SZRD1: variants seen among roughly 807,000 people sequenced by gnomAD.
SZRD1 encodes the protein SUZ RNA binding domain containing 1.
A neutral mutation model predicts 17.6 loss-of-function variants in SZRD1; 7 were observed. The ratio of observed to expected loss-of-function variants is 0.40; its 90% confidence interval spans 0.23 to 0.75. SZRD1 has a LOEUF of 0.75. SZRD1 is among the 30% of genes least tolerant of loss of function. The pLI is 0.38. For synonymous variants in SZRD1, 77 were observed against 77.9 expected, an observed-to-expected ratio of 0.99 and a Z score of 0.06; for missense variants, 178 against 201.8, an observed-to-expected ratio of 0.88 and a Z score of 0.71.
In SZRD1 at chr1:16,393,089, T is replaced by C; in HGVS notation, c.102-139T>C. On this transcript the variant is annotated intron_variant, in intron 2 of 3. Coordinates refer to ENST00000401088, the MANE Select transcript of SZRD1 (RefSeq NM_001114600.3). This position sits in a 1 kb window ranked among gnomAD's most constrained non-coding sequence, Gnocchi z 5.6. ...CCTTCTTGAGGAGTGGAAATTTTGC[T>C]GTCTGGTCAGAGGCCAGAGAATCAT... is the stretch of plus-strand genomic sequence containing the variant. 1 of 1,220,152 alleles carries C rather than the reference T, an allele frequency of 8.2e-7. No individual in the cohort carries two copies. The highest frequency in any genetic ancestry group is 1.2e-6 in the Non-Finnish European group (1 of 861,990). The allele number at this position is 1,220,152 out of a possible 1,614,324, so 75.6% of individuals were successfully genotyped here.
chr1:16,379,320 T>C (rs1197711180), intron 1 of SZRD1, among the ~76,000 whole-genome samples: 1 of 151,228 alleles, frequency 6.6e-6, no homozygotes, highest in Non-Finnish European at 1.5e-5. Context: ...GGTTTTACCA[T>C]GTTAGCCAGA....
intron 1 of SZRD1, 54 bp downstream of exon 1, chr1:16,367,362 G>C (rs1557618528): frequency 2.0e-6 from 3 of 1,493,998 alleles, no homozygotes; most frequent in Non-Finnish European, 2.7e-6. Flanking sequence ...GGCGTGAGGG[G>C]AGCCTCCGGG....
At chr1:16,368,393 C>T (rs1030051327) in intron 1 of SZRD1, among the ~76,000 whole-genome samples, 1 of 152,136 alleles carries the variant, frequency 6.6e-6, no homozygotes, top group African/African-American at 2.4e-5. Flanking sequence ...GAAATTGACC[C>T]TGGCAGCAGT....
At chr1:16,384,663 G>T (rs932665837) in intron 1 of SZRD1, among the ~76,000 whole-genome samples, 3 of 152,250 alleles carry the variant, frequency 2.0e-5, no homozygotes, top group Non-Finnish European at 2.9e-5. Context: ...CATAAGGCTA[G>T]CATGGGCCGT....
At chr1:16,387,481 A>G in intron 1 of SZRD1, 1 of 454,998 alleles carries the variant, frequency 2.2e-6, no homozygotes, top group South Asian at 1.6e-5. Context: ...AAAAATACTG[A>G]TTTGGTTTCT....
At position 16,395,865 on chromosome 1, in the gene SZRD1, A is replaced by G. The variant is rs2085302192; in HGVS notation, c.*725A>G. On this transcript the variant is annotated 3_prime_UTR_variant, in exon 4 of 4. Coordinates refer to ENST00000401088, the MANE Select transcript of SZRD1 (RefSeq NM_001114600.3). ...CAGGACAGACGAGCACCCCATGCCT[A>G]TACCTCCCTCCCCGAGCTAAGTCCC... The G allele has an allele frequency of 6.5e-6, 1 of 152,858 alleles. No homozygotes were observed. Among genetic ancestry groups the G allele is most frequent in the Admixed American group, 6.5e-5 (1 of 15,300 alleles). The allele number at this position is 152,858 out of a possible 1,614,324, so 9.5% of individuals were successfully genotyped here. A position where few individuals can be genotyped will look rare whatever the true frequency, so the allele number is the denominator to read the frequency against.
At chr1:16,389,209 G>A (rs1288419718) in intron 1 of SZRD1, among the ~76,000 whole-genome samples, 1 of 141,506 alleles carries the variant, frequency 7.1e-6, no homozygotes, top group African/African-American at 2.6e-5. Flanking sequence ...TCAGCCTCCC[G>A]AGTAGCTGGG....
chr1:16,370,672 G>A (rs1402871472), intron 1 of SZRD1, among the ~76,000 whole-genome samples: 1 of 151,076 alleles, frequency 6.6e-6, no homozygotes, highest in African/African-American at 2.4e-5. Flanking sequence ...GGTCTCATTT[G>A]GTTTCCCAGG....
At chr1:16,384,087 G>A (rs1293454701) in intron 1 of SZRD1, among the ~76,000 whole-genome samples, 3 of 152,190 alleles carry the variant, frequency 2.0e-5, no homozygotes, top group Non-Finnish European at 2.9e-5. Flanking sequence ...GTCAGGGGAA[G>A]TAGAATAATT....
chr1:16,379,608 C>T (rs138693917), intron 1 of SZRD1, among the ~76,000 whole-genome samples: 201 of 152,322 alleles, frequency 1.3e-3, no homozygotes, highest in South Asian at 0.013. Flanking sequence ...TGGATAGTGT[C>T]ATTTGTCAAC....
chr1:16,388,252 A>G (rs549575182), intron 1 of SZRD1, among the ~76,000 whole-genome samples: 76 of 152,054 alleles, frequency 5.0e-4, no homozygotes, highest in Admixed American at 5.9e-4. Flanking sequence ...TAGCTGGGAT[A>G]CCACGCCCAG....
intron 1 of SZRD1, among the ~76,000 whole-genome samples, chr1:16,382,189 G>GT (rs113637508): frequency 0.022 from 3,188 of 147,490 alleles, 109 homozygotes; most frequent in African/African-American, 0.073. Flanking sequence ...GCATGGGTGG[G>GT]TTTTTTTTTT....
Position 16,393,474 on chromosome 1 carries a change from C to T in SZRD1, c.348C>T (p.Ile116=). The T allele has an allele frequency of 6.2e-7, 1 of 1,610,528 alleles. No homozygotes were observed. Among genetic ancestry groups the T allele is most frequent in the Non-Finnish European group, 8.5e-7 (1 of 1,178,704 alleles). The change falls in exon 3 of 4, where the codon ATC becomes ATT. Residue 116 remains isoleucine (I), a synonymous_variant. Coordinates refer to ENST00000401088, the MANE Select transcript of SZRD1 (RefSeq NM_001114600.3). This position sits in a 1 kb window ranked among gnomAD's most constrained non-coding sequence, Gnocchi z 5.6. ...ASPEEEQEKP[I]LDRPTRISQP... ...CCGAGGAGGAGCAGGAGAAACCCAT[C>T]CTCGACAGGTGAGTGTGGCTGGCAG...
chr1:16,376,705 C>G (rs1009895887), intron 1 of SZRD1, among the ~76,000 whole-genome samples: 41 of 149,236 alleles, frequency 2.7e-4, no homozygotes, highest in African/African-American at 9.4e-4. Context: ...ACCTGGGAGG[C>G]TGAGGCAGGA....
chr1:16,379,428 A>G (rs1270806540), intron 1 of SZRD1, among the ~76,000 whole-genome samples: 3 of 152,164 alleles, frequency 2.0e-5, no homozygotes, highest in East Asian at 1.9e-4. Flanking sequence ...GTCACTTACT[A>G]GTTGTGCATA....
At chr1:16,388,742 G>A (rs1156965006) in intron 1 of SZRD1, among the ~76,000 whole-genome samples, 1 of 137,022 alleles carries the variant, frequency 7.3e-6, no homozygotes, top group Non-Finnish European at 1.5e-5. Context: ...CTGGAGTGCA[G>A]TGGTGTGATC....
intron 1 of SZRD1, among the ~76,000 whole-genome samples, chr1:16,376,351 T>G (rs900077005): frequency 1.3e-5 from 2 of 152,212 alleles, no homozygotes; most frequent in African/African-American, 2.4e-5. Flanking sequence ...GCTCATAAAC[T>G]GCATCTGAGA....
intron 1 of SZRD1, among the ~76,000 whole-genome samples, chr1:16,377,869 C>T (rs1176067555): frequency 6.6e-6 from 1 of 152,206 alleles, no homozygotes; most frequent in Non-Finnish European, 1.5e-5. Flanking sequence ...TCCAGCCACT[C>T]ACAGTGTAGC....
intron 1 of SZRD1, among the ~76,000 whole-genome samples, chr1:16,379,746 C>T (rs1570015223): frequency 1.3e-5 from 2 of 148,624 alleles, no homozygotes; most frequent in East Asian, 4.1e-4. Flanking sequence ...TCTATAAAAT[C>T]CTGTTGATTT....
Sources: gnomAD v4.1 joint callset for allele counts (sites outside exome capture counted in the v4.1 genomes callset) on GRCh38, gnomAD v4.1.1 for gene constraint, Gnocchi (gnomAD v3.1) non-coding constraint, MANE v1.5 for transcripts, NCBI Gene and HGNC (gene_info 2026-07-23, HGNC 2026-07-21) for gene names.